Variants in SPDYE17 observed in about 807,000 individuals in gnomAD.
The protein encoded by SPDYE17 is speedy/RINGO cell cycle regulator family member E17.
For missense variants in SPDYE17, 7 were observed against 38.0 expected (o/e 0.18, Z 2.15); for synonymous variants, 4 against 14.8 (o/e 0.27, Z 1.68).
intron 1 of SPDYE17, among the ~76,000 whole-genome samples, chr7:77,031,922 G>GAA (rs1336535953): frequency 1.9e-5 from 1 of 52,330 alleles, no homozygotes; most frequent in Non-Finnish European, 3.1e-5. Context: ...GAACCTGTGG[G>GAA]TTCCGGCCAG....
chr7:77,028,267 CGAG>C (rs1485188931), intron 3 of SPDYE17, 67 bp from the exon 4 acceptor site: 3 of 1,059,592 alleles, frequency 2.8e-6, no homozygotes, highest in Admixed American at 2.5e-5. Flanking sequence ...AGCAGGGCAG[CGAG>C]GAGAAGTGTG....
At chr7:77,028,342 G>T in intron 3 of SPDYE17, 142 bp from the exon 4 acceptor site, 3 of 539,330 alleles carry the variant, frequency 5.6e-6, no homozygotes, top group Non-Finnish European at 8.7e-6. Context: ...AGGGGAGAAT[G>T]ACTTTCACTG....
intron 5 of SPDYE17, among the ~76,000 whole-genome samples, chr7:77,026,546 T>C (rs528681680): frequency 1.6e-4 from 24 of 150,422 alleles, no homozygotes; most frequent in African/African-American, 5.8e-4. Context: ...TTGCGGTTGA[T>C]GTGGGAAGGA....
chr7:77,029,759 T>C (rs1371077056), intron 2 of SPDYE17, among the ~76,000 whole-genome samples: 2 of 109,098 alleles, frequency 1.8e-5, no homozygotes, highest in Non-Finnish European at 3.5e-5. Flanking sequence ...CAGGCTGGAG[T>C]GTAGTGGTGC....
At chr7:77,026,540 G>A (rs564685298) in intron 5 of SPDYE17, among the ~76,000 whole-genome samples, 6 of 150,480 alleles carry the variant, frequency 4.0e-5, no homozygotes, top group South Asian at 2.1e-4. Flanking sequence ...TGGCTTTTGC[G>A]GTTGATGTGG....
At position 77,024,849 on chromosome 7, in the gene SPDYE17, G is replaced by C; in HGVS notation, c.738+19C>G. On this transcript the variant is annotated intron_variant, in intron 6 of 7. Transcript: ENST00000671986. ...CCCGATTCCTCCCCACATCCTCCAC[G>C]TCCCCAGGCCCCACCCACCTCTTCC... The C allele has an allele frequency of 3.5e-4, 4 of 11,448 alleles. No individual in the cohort carries two copies. The highest frequency in any genetic ancestry group is 5.6e-4 in the Non-Finnish European group (4 of 7,152). 0.7% of individuals were successfully genotyped at this position (11,448 alleles called of 1,614,324 possible).
chr7:77,025,064 T>G lies in SPDYE17; in HGVS notation c.542A>C (p.Asn181Thr). The change falls in exon 6 of 8, where the codon AAC (asparagine) becomes ACC (threonine). Residue 181 changes from asparagine (N) to threonine (T), a missense_variant. Asn to Thr is a moderately conservative substitution (Grantham distance 65). Transcript: ENST00000671986. ...CTCCTCGTACAGGAAGTAGAAGATG[T>G]TTTGTTTGGGGGCCTCGTCGTCCTC... Reference protein sequence around the residue: ...MEEDDEAPKQNIFYFLYEETR... With the variant: ...MEEDDEAPKQTIFYFLYEETR... 3.4e-5 allele frequency: 1 copy of G among 29,494 alleles called. No homozygotes were observed. The highest frequency in any genetic ancestry group is 5.1e-5 in the Non-Finnish European group (1 of 19,598). 1.8% of individuals were successfully genotyped at this position (29,494 alleles called of 1,614,324 possible).
chr7:77,027,861 TGG>T (rs1024231809), intron 4 of SPDYE17, among the ~76,000 whole-genome samples: 2 of 130,934 alleles, frequency 1.5e-5, no homozygotes, highest in African/African-American at 5.4e-5. Context: ...CCAGGCATGG[TGG>T]TTCATGTTTG....
chr7:77,025,799 T>C (rs866500587), intron 5 of SPDYE17: 23 of 141,782 alleles, frequency 1.6e-4, no homozygotes, highest in South Asian at 2.3e-4. Context: ...GGTGTGGTGG[T>C]ACAGCCCTGT....
Position 77,029,998 on chromosome 7 carries a change from C to T in SPDYE17, c.130+443G>A, listed in dbSNP as rs1303355683. 1.7e-5 allele frequency among the ~76,000 whole-genome samples: 2 copies of T among 119,570 alleles called. 1 individual carries two copies. The highest frequency in any genetic ancestry group is 9.3e-4 in the East Asian group (2 of 2,154). 78.4% of individuals were successfully genotyped at this position (119,570 alleles called of 152,430 possible). A position where few individuals can be genotyped will look rare whatever the true frequency, so the allele number is the denominator to read the frequency against. ...CTGGGATTACAAGTGTGAGCCACTG[C>T]ACCCAGCCTGAATTTCTCCATTCTT... On this transcript the variant is annotated intron_variant, in intron 2 of 7. Transcript: ENST00000671986.
At position 77,029,696 on chromosome 7, in the gene SPDYE17, C is replaced by T. The variant is rs1236095559; in HGVS notation, c.131-245G>A. Among the ~76,000 whole-genome samples, 11 of 38,972 alleles carry T rather than the reference C, an allele frequency of 2.8e-4. 1 individual carries two copies. Among genetic ancestry groups the T allele is most frequent in the Non-Finnish European group, 3.9e-4 (10 of 25,680 alleles). The allele number at this position is 38,972 out of a possible 152,430, so 25.6% of individuals were successfully genotyped here. Reference sequence around the variant, plus strand: ...CCCTGGTCCCTGGCTCTCTGAGTCCCTCTTTTTTTTTTTTTTTTTTTTTGT... The same window carrying T: ...CCCTGGTCCCTGGCTCTCTGAGTCCTTCTTTTTTTTTTTTTTTTTTTTTGT... On this transcript the variant is annotated intron_variant, in intron 2 of 7. Transcript: ENST00000671986.
At chr7:77,026,485 G>C (rs1487928471) in intron 5 of SPDYE17, among the ~76,000 whole-genome samples, 1 of 149,762 alleles carries the variant, frequency 6.7e-6, no homozygotes, top group Admixed American at 6.8e-5. Context: ...GATGCAAGGG[G>C]GACCTGGACT....
rs1410698055 is a variant in SPDYE17 at position 77,022,812 on chromosome 7, TTAAA to T, written c.*1017_*1020del. 8.3e-5 allele frequency among the ~76,000 whole-genome samples: 10 copies of T among 120,448 alleles called. 1 individual carries two copies. The highest frequency in any genetic ancestry group is 1.7e-4 in the Non-Finnish European group (9 of 54,046). 79.0% of individuals were successfully genotyped at this position (120,448 alleles called of 152,430 possible). ...ATAATATTTAAAGTAATAATAATAT[TTAAA>T]TAAATAAATATATTTAATAAATATT... is the stretch of plus-strand genomic sequence containing the variant. On this transcript the variant is annotated 3_prime_UTR_variant, in exon 8 of 8. Transcript: ENST00000671986.
intron 4 of SPDYE17, among the ~76,000 whole-genome samples, chr7:77,027,167 G>T (rs2117280063): frequency 9.7e-6 from 1 of 103,240 alleles, no homozygotes; most frequent in East Asian, 7.0e-4. Context: ...TTTGGAGGGG[G>T]TGTGTCTAGG....
rs926199390 is a variant in SPDYE17, at chr7:77,028,058, C to T, written c.408+84G>A. 58 of 1,135,562 alleles carry T rather than the reference C, an allele frequency of 5.1e-5. 8 individuals are homozygous for T. Among genetic ancestry groups the T allele is most frequent in the Admixed American group, 2.0e-4 (8 of 40,084 alleles). 70.3% of individuals were successfully genotyped at this position (1,135,562 alleles called of 1,614,324 possible). ...GGAGCATCTGGTGGGAGGTGGTGGA[C>T]GGAGAACTGTGGGTTTGGAAGCTGC... On this transcript the variant is annotated intron_variant, in intron 4 of 7. Coordinates refer to ENST00000671986, the MANE Select transcript of SPDYE17 (RefSeq NM_001351351.3).
In SPDYE17 at chr7:77,028,148, C is replaced by T. The variant is rs77910828; in HGVS notation, c.402G>A (p.Ser134=). ...ACATAGAGAACAACCTTACCTTGTC[C>T]GACACCCTCAGATCTTTGTCCCAGG... ...LLAWDKDLRV[S]DKYLLAMVIA... The change falls in exon 4 of 8, where the codon TCG becomes TCA. Residue 134 remains serine (S), a synonymous_variant. Transcript: ENST00000671986. The T allele has an allele frequency of 2.7e-5, 36 of 1,349,922 alleles. 6 individuals are homozygous for T. The highest frequency in any genetic ancestry group is 5.4e-4 in the Middle Eastern group (2 of 3,694). The allele number at this position is 1,349,922 out of a possible 1,614,324, so 83.6% of individuals were successfully genotyped here. A position where few individuals can be genotyped will look rare whatever the true frequency, so the allele number is the denominator to read the frequency against.
chr7:77,030,080 CTTTT>C (rs761251656), intron 2 of SPDYE17, among the ~76,000 whole-genome samples: 1 of 45,312 alleles, frequency 2.2e-5, no homozygotes, highest in African/African-American at 2.1e-4. Context: ...TTTGTTTCTT[CTTTT>C]TTTTTTTTTT....
chr7:77,029,426 T>TG lies in SPDYE17; in HGVS notation c.155dup (p.Arg53ThrfsTer2). 1 of 105,702 alleles carries TG rather than the reference T, an allele frequency of 9.5e-6. No homozygotes were observed. Among genetic ancestry groups the TG allele is most frequent in the Non-Finnish European group, 1.4e-5 (1 of 70,108 alleles). 6.5% of individuals were successfully genotyped at this position (105,702 alleles called of 1,614,324 possible). On this transcript the variant is annotated frameshift_variant, in exon 3 of 8. Coordinates refer to ENST00000671986, the MANE Select transcript of SPDYE17 (RefSeq NM_001351351.3). LOFTEE classifies it high-confidence loss of function. ...TCCTTTTCCAGCCAAGGGACCTACG[T>TG]GGGGGGCTGGGATCTACCCCAGGGG...
At chr7:77,026,046 T>C (rs1789426768) in intron 5 of SPDYE17, among the ~76,000 whole-genome samples, 2 of 129,236 alleles carry the variant, frequency 1.5e-5, no homozygotes, top group Admixed American at 9.0e-5. Context: ...AATGTCACAT[T>C]ATAATAGGAT....
Sources: gnomAD v4.1 joint callset for allele counts (sites outside exome capture counted in the v4.1 genomes callset) on GRCh38, gnomAD v4.1.1 for gene constraint, MANE v1.5 for transcripts, NCBI Gene and HGNC (gene_info 2026-07-23, HGNC 2026-07-21) for gene names.